The following FAT3 variants were observed in gnomAD, a reference collection of about 807,000 sequenced individuals.
FAT3 encodes FAT atypical cadherin 3.
In FAT3, 95 loss-of-function variants were observed where a neutral mutation model predicts 310.2. The ratio of observed to expected loss-of-function variants is 0.31; its 90% CI spans 0.26 to 0.36. The LOEUF (loss-of-function observed/expected upper bound fraction) is 0.36, where lower values mean the gene tolerates loss of function less well. Ranked by LOEUF, FAT3 falls within the 10% of genes least tolerant of loss-of-function variation. The pLI, the probability that FAT3 is intolerant of heterozygous loss-of-function variation, is 1.00. For synonymous variants in FAT3, 2,314 were observed against 2,192.9 expected (o/e 1.06, Z -1.54); for missense variants, 5,408 against 5,715.6 (o/e 0.95, Z 1.74).
intron 7 of FAT3, among the ~76,000 whole-genome samples, chr11:92,784,286 A>G (rs1209836004): frequency 6.6e-6 from 1 of 152,392 alleles, no homozygotes; most frequent in South Asian, 2.1e-4. Context: ...ATTCAAAAAG[A>G]AAACTTACAA....
At chr11:92,263,458 T>A (rs1318044147) in intron 1 of FAT3, among the ~76,000 whole-genome samples, 2 of 152,104 alleles carry the variant, frequency 1.3e-5, no homozygotes, top group African/African-American at 4.8e-5. Flanking sequence ...TCTGTATCAT[T>A]GCTTTATAAA....
chr11:92,873,987 A>G (rs762255963), intron 22 of FAT3, among the ~76,000 whole-genome samples: 12 of 152,340 alleles, frequency 7.9e-5, no homozygotes, highest in Admixed American at 2.6e-4. Flanking sequence ...TAAAATAACT[A>G]TAATAACAAT....
chr11:92,306,730 T>TAA (rs1947143416), intron 1 of FAT3, among the ~76,000 whole-genome samples: 3 of 117,942 alleles, frequency 2.5e-5, no homozygotes, highest in Non-Finnish European at 5.0e-5. Context: ...ATATTATATA[T>TAA]ATATTTATAT....
chr11:92,570,540 C>T (rs1297541529), intron 3 of FAT3, among the ~76,000 whole-genome samples: 1 of 152,166 alleles, frequency 6.6e-6, no homozygotes, highest in Non-Finnish European at 1.5e-5. Context: ...GCCATCCATC[C>T]TTAGCCACTC....
chr11:92,459,081 C>T (rs577852425), intron 2 of FAT3, among the ~76,000 whole-genome samples: 1 of 152,348 alleles, frequency 6.6e-6, no homozygotes, highest in African/African-American at 2.4e-5. Flanking sequence ...ACCCCTACTG[C>T]ATCATGGCCT....
intron 4 of FAT3, among the ~76,000 whole-genome samples, chr11:92,736,746 G>C (rs1185508771): frequency 1.3e-5 from 2 of 152,126 alleles, no homozygotes; most frequent in African/African-American, 4.8e-5. Context: ...CTTTTGAAAA[G>C]GAAAGATTCC....
chr11:92,632,904 TAC>T (rs1941606061), intron 3 of FAT3, among the ~76,000 whole-genome samples: 1 of 152,202 alleles, frequency 6.6e-6, no homozygotes, highest in Non-Finnish European at 1.5e-5. Flanking sequence ...GAGTGTGAGT[TAC>T]AGTCACTGCC....
intron 3 of FAT3, among the ~76,000 whole-genome samples, chr11:92,641,431 A>T (rs1312413978): frequency 2.0e-5 from 3 of 152,204 alleles, no homozygotes; most frequent in Non-Finnish European, 2.9e-5. Flanking sequence ...GGATGCCAGA[A>T]GTCTGAAATC....
intron 4 of FAT3, among the ~76,000 whole-genome samples, chr11:92,708,308 A>G (rs1944419059): frequency 6.6e-6 from 1 of 152,226 alleles, no homozygotes. Flanking sequence ...CTCTTATAAG[A>G]CACTGTCCTA....
At chr11:92,604,257 A>T (rs1424255275) in intron 3 of FAT3, among the ~76,000 whole-genome samples, 1 of 152,198 alleles carries the variant, frequency 6.6e-6, no homozygotes, top group Non-Finnish European at 1.5e-5. Context: ...ATACTAATAT[A>T]TATGGACCAG....
intron 3 of FAT3, among the ~76,000 whole-genome samples, chr11:92,587,463 A>G (rs992127838): frequency 1.3e-5 from 2 of 152,090 alleles, no homozygotes; most frequent in African/African-American, 4.8e-5. Flanking sequence ...AGGAATGCAC[A>G]TATTTTAGGC....
intron 2 of FAT3, among the ~76,000 whole-genome samples, chr11:92,487,108 G>A (rs974159188): frequency 6.6e-6 from 1 of 152,156 alleles, no homozygotes; most frequent in African/African-American, 2.4e-5. Context: ...TCCCCACTTA[G>A]TAATCGTTTA....
chr11:92,683,036 C>T (rs969875546), intron 3 of FAT3, among the ~76,000 whole-genome samples: 4 of 149,002 alleles, frequency 2.7e-5, no homozygotes, highest in Middle Eastern at 3.2e-3. Flanking sequence ...TGAGATCATG[C>T]CATTGTACTC....
chr11:92,698,187 T>A (rs1943995285), intron 4 of FAT3, among the ~76,000 whole-genome samples: 1 of 152,136 alleles, frequency 6.6e-6, no homozygotes, highest in Admixed American at 6.6e-5. Flanking sequence ...GTGTCTACGC[T>A]TCTAAAATAA....
intron 3 of FAT3, among the ~76,000 whole-genome samples, chr11:92,683,072 T>TAA (rs1179409316): frequency 1.7e-5 from 2 of 114,844 alleles, no homozygotes; most frequent in Non-Finnish European, 3.4e-5. Flanking sequence ...AGCAAGACTC[T>TAA]AAAAAAAAAA....
At chr11:92,564,515 C>A (rs554815629) in intron 3 of FAT3, among the ~76,000 whole-genome samples, 2 of 151,858 alleles carry the variant, frequency 1.3e-5, no homozygotes, top group African/African-American at 4.8e-5. Context: ...AGGAATTGAA[C>A]TCAGCTCTGC....
At chr11:92,591,373 A>G (rs1939419079) in intron 3 of FAT3, among the ~76,000 whole-genome samples, 2 of 152,138 alleles carry the variant, frequency 1.3e-5, no homozygotes, top group South Asian at 4.1e-4. Context: ...CCTTACTTAT[A>G]TGTAGCACTG....
intron 1 of FAT3, among the ~76,000 whole-genome samples, chr11:92,229,278 G>T (rs1864045297): frequency 1.3e-5 from 2 of 151,948 alleles, no homozygotes; most frequent in South Asian, 4.2e-4. Context: ...GTGAGGAGTG[G>T]GTCTTTGTTT....
chr11:92,616,809 T>C (rs1350599809), intron 3 of FAT3, among the ~76,000 whole-genome samples: 1 of 152,214 alleles, frequency 6.6e-6, no homozygotes, highest in Non-Finnish European at 1.5e-5. Flanking sequence ...TGGGCCTCAC[T>C]CTCTACTGGC....
Sources: allele counts gnomAD v4.1 joint callset (sites outside exome capture counted in the v4.1 genomes callset), GRCh38; gene constraint gnomAD v4.1.1; transcripts MANE v1.5; gene names NCBI Gene and HGNC (gene_info 2026-07-23, HGNC 2026-07-21).